The following RC3H2 variants were observed in gnomAD, a reference collection of about 807,000 sequenced individuals.
RC3H2 encodes ring finger and CCCH-type domains 2, also known as roquin-2.
In RC3H2, 31 loss-of-function variants were observed where a neutral mutation model predicts 133.3. That is an observed-to-expected ratio of 0.23 (90% CI 0.17 to 0.31). The LOEUF is 0.31. RC3H2 is among the 10% of genes least tolerant of loss of function. The pLI is 1.00. For synonymous variants in RC3H2, 517 were observed against 502.2 expected (o/e 1.03, Z -0.40); for missense variants, 1,175 against 1,437.2 (o/e 0.82, Z 2.95).
rs80286309 is a variant in RC3H2 at position 122,896,567 on chromosome 9, C to T, written c.231+712G>A. On this transcript the variant is annotated intron_variant, in intron 2 of 20. Transcript: ENST00000357244. Reference sequence around the variant, plus strand: ...ATGACATTATCTAAAGAAAATCTTTCGCAGAATACAATCATGAAAATCAGG... The same window carrying T: ...ATGACATTATCTAAAGAAAATCTTTTGCAGAATACAATCATGAAAATCAGG... Among the ~76,000 whole-genome samples the T allele has an allele frequency of 4.0e-3, 615 of 152,176 alleles. 2 individuals are homozygous for T. Among genetic ancestry groups the T allele is most frequent in the South Asian group, 0.013 (65 of 4,818 alleles).
At chr9:122,880,496 G>C in intron 6 of RC3H2, 98 bp downstream of exon 6, 1 of 934,978 alleles carries the variant, frequency 1.1e-6, no homozygotes, top group East Asian at 2.5e-5. Context: ...TAAAAACATA[G>C]GAATCTCCAA....
chr9:122,869,560 A>ATTT (rs10560103), intron 9 of RC3H2, among the ~76,000 whole-genome samples: 1 of 104,530 alleles, frequency 9.6e-6, no homozygotes, highest in Non-Finnish European at 2.0e-5. Context: ...AGTTTACACG[A>ATTT]TTTTTTTTTT....
chr9:122,861,290 C>T (rs976741460), intron 10 of RC3H2, among the ~76,000 whole-genome samples: 1 of 151,788 alleles, frequency 6.6e-6, no homozygotes, highest in Non-Finnish European at 1.5e-5. Flanking sequence ...TGGGAGTTCG[C>T]GACCAGCCTG....
chr9:122,865,800 A>G, intron 9 of RC3H2, 143 bp from the exon 10 acceptor site: 1 of 645,732 alleles, frequency 1.5e-6, no homozygotes, highest in East Asian at 2.7e-5. Context: ...AATCAAATAC[A>G]GTCTATATCA....
Position 122,851,231 on chromosome 9 carries a change from TA to T in RC3H2, c.3232-3del, listed in dbSNP as rs777622309. Reference sequence around the variant, plus strand: ...ACCAAGCTGTATGTCCAAGATCTCCTAAGAAAATAAAATGTTAATCCTTCAG... The same window carrying T: ...ACCAAGCTGTATGTCCAAGATCTCCTAGAAAATAAAATGTTAATCCTTCAG... On this transcript the variant is annotated splice_region_variant and splice_polypyrimidine_tract_variant and intron_variant, in intron 19 of 20. Transcript: ENST00000357244. The T allele has an allele frequency of 6.2e-7, 1 of 1,613,884 alleles. No individual in the cohort carries two copies. The highest frequency in any genetic ancestry group is 1.7e-5 in the Admixed American group (1 of 60,018).
In RC3H2 at chr9:122,845,849, A is replaced by G. The variant is rs1430398212; in HGVS notation, c.*3778T>C. On this transcript the variant is annotated 3_prime_UTR_variant, in exon 21 of 21. Coordinates refer to ENST00000357244, the MANE Select transcript of RC3H2 (RefSeq NM_001100588.3). ...CCTCTTCATTCACTAAAACAAAAGA[A>G]AAGTTCTTCCAGGAAACCAATGCAT... 2 of 152,208 alleles carry G rather than the reference A, an allele frequency of 1.3e-5. No individual in the cohort carries two copies. The highest frequency in any genetic ancestry group is 4.8e-5 in the African/African-American group (2 of 41,462). The allele number at this position is 152,208 out of a possible 1,614,324, so 9.4% of individuals were successfully genotyped here.
intron 18 of RC3H2, among the ~76,000 whole-genome samples, chr9:122,851,767 G>A (rs1830031231): frequency 6.6e-6 from 1 of 152,238 alleles, no homozygotes; most frequent in African/African-American, 2.4e-5. Flanking sequence ...CCGAGGTGCC[G>A]GGATTGCAGA....
At chr9:122,857,739 C>T (rs1199486725) in intron 13 of RC3H2, among the ~76,000 whole-genome samples, 184 bp downstream of exon 13, 4 of 152,154 alleles carry the variant, frequency 2.6e-5, no homozygotes, top group African/African-American at 4.8e-5. Flanking sequence ...TATGCCTTAA[C>T]GGTCTTCAGA....
chr9:122,866,083 G>A (rs1208984723), intron 9 of RC3H2, among the ~76,000 whole-genome samples: 1 of 152,098 alleles, frequency 6.6e-6, no homozygotes, highest in South Asian at 2.1e-4. Context: ...GTATGCAAGA[G>A]CTGAAGCCAT....
chr9:122,899,260 G>C (rs1832561700), intron 1 of RC3H2, among the ~76,000 whole-genome samples: 2 of 151,844 alleles, frequency 1.3e-5, no homozygotes, highest in African/African-American at 4.8e-5. Context: ...CATCATGCCT[G>C]GCTAATTTTT....
At chr9:122,859,873 A>G (rs1198876264) in intron 11 of RC3H2, 44 bp downstream of exon 11, 18 of 1,437,188 alleles carry the variant, frequency 1.3e-5, no homozygotes, top group Non-Finnish European at 1.6e-5. Flanking sequence ...TATCTAAAGG[A>G]AACAATGTTT....
chr9:122,905,338 A>C lies in RC3H2; in HGVS notation c.-296T>G. The C allele has an allele frequency of 1.1e-5, 10 of 940,144 alleles. No homozygotes were observed. Among genetic ancestry groups the C allele is most frequent in the Non-Finnish European group, 1.3e-5 (10 of 788,686 alleles). 58.2% of individuals were successfully genotyped at this position (940,144 alleles called of 1,614,324 possible). On this transcript the variant is annotated 5_prime_UTR_variant, in exon 1 of 21. Transcript: ENST00000357244. ...CCTCCTCCTCCTCCTCCTCCTCACCACGGAGGCGGACCTGGAGGGATCCCG... is the reference window on the plus strand; with the variant it reads ...CCTCCTCCTCCTCCTCCTCCTCACCCCGGAGGCGGACCTGGAGGGATCCCG...
chr9:122,851,017 C>T (rs550384073), intron 20 of RC3H2, 64 bp downstream of exon 20: 32 of 1,563,882 alleles, frequency 2.0e-5, no homozygotes, highest in Middle Eastern at 1.7e-4. Context: ...AAATTAATTT[C>T]GCATTTTTTT....
At chr9:122,889,755 T>C (rs1274939401) in intron 4 of RC3H2, among the ~76,000 whole-genome samples, 1 of 152,240 alleles carries the variant, frequency 6.6e-6, no homozygotes, top group Non-Finnish European at 1.5e-5. Context: ...TGTAGCTATA[T>C]TGCCTATCTT....
At chr9:122,857,744 T>TTC (rs1397752891) in intron 13 of RC3H2, among the ~76,000 whole-genome samples, 179 bp downstream of exon 13, 4 of 152,230 alleles carry the variant, frequency 2.6e-5, no homozygotes, top group African/African-American at 2.4e-5. Context: ...CTTAACGGTC[T>TTC]TCAGAGTCTC....
chr9:122,859,127 T>G, intron 11 of RC3H2, 25 bp from the exon 12 acceptor site: 1 of 1,502,614 alleles, frequency 6.7e-7, no homozygotes, highest in Non-Finnish European at 8.9e-7. Flanking sequence ...AGAGGAATAT[T>G]TAATGTAATC....
chr9:122,850,428 A>G (rs753915704), intron 20 of RC3H2, among the ~76,000 whole-genome samples: 9 of 150,976 alleles, frequency 6.0e-5, no homozygotes, highest in Non-Finnish European at 1.2e-4. Context: ...ATTATATGCT[A>G]TCTATCTATA....
chr9:122,880,465 A>G (rs961254676), intron 6 of RC3H2, 129 bp downstream of exon 6: 12 of 775,918 alleles, frequency 1.5e-5, no homozygotes, highest in Non-Finnish European at 2.5e-5. Flanking sequence ...AAATAAGGAT[A>G]ATTTATAAGA....
intron 1 of RC3H2, among the ~76,000 whole-genome samples, chr9:122,901,122 A>C (rs1021315211): frequency 2.0e-5 from 3 of 152,208 alleles, no homozygotes; most frequent in Middle Eastern, 3.2e-3. Flanking sequence ...TGCCAGAATA[A>C]AGTTTATGCT....
Sources: gnomAD v4.1 joint callset for allele counts (sites outside exome capture counted in the v4.1 genomes callset) on GRCh38, gnomAD v4.1.1 for gene constraint, MANE v1.5 for transcripts, NCBI Gene and HGNC (gene_info 2026-07-23, HGNC 2026-07-21) for gene names.